Variants in NDUFA10 observed in about 807,000 individuals in gnomAD.
NDUFA10 encodes NADH dehydrogenase [ubiquinone] 1 alpha subcomplex subunit 10, mitochondrial.
Under a neutral mutation model 47.8 loss-of-function variants are expected in NDUFA10, and 40 were observed. That is an observed-to-expected ratio of 0.84 (90% CI 0.65 to 1.09). The LOEUF (loss-of-function observed/expected upper bound fraction) is 1.09. Among genes scored for constraint, NDUFA10 ranks in the 50% least tolerant of loss-of-function variants. NDUFA10 has a pLI of 0.00. For missense variants in NDUFA10, 413 were observed against 451.1 expected, an observed-to-expected ratio of 0.92 and a Z score of 0.76; for synonymous variants, 183 against 172.2, an observed-to-expected ratio of 1.06 and a Z score of -0.49.
At position 240,011,009 on chromosome 2, in the gene NDUFA10, G is replaced by A. The variant is rs146363568; in HGVS notation, c.749+608C>T. 3.4e-3 allele frequency among the ~76,000 whole-genome samples: 514 copies of A among 152,232 alleles called. 9 individuals are homozygous for A. Among genetic ancestry groups the A allele is most frequent in the African/African-American group, 0.012 (481 of 41,526 alleles). Reference sequence around the variant, plus strand: ...TATTCAAACAATCTGAGTTTAACTGGACGTGAATGAGTGTGGCAGACATTC... The same window carrying A: ...TATTCAAACAATCTGAGTTTAACTGAACGTGAATGAGTGTGGCAGACATTC... On this transcript the variant is annotated intron_variant, in intron 6 of 9. Transcript: ENST00000252711.
chr2:239,909,084 G>T (rs997494149), intron 4 of NDUFA10, among the ~76,000 whole-genome samples: 1 of 152,068 alleles, frequency 6.6e-6, no homozygotes, highest in Non-Finnish European at 1.5e-5. Flanking sequence ...CTCCTCCAGC[G>T]CCTCCCAAAG....
intron 4 of NDUFA10, among the ~76,000 whole-genome samples, chr2:239,915,662 G>A (rs1693853747): frequency 2.6e-5 from 3 of 117,028 alleles, no homozygotes; most frequent in South Asian, 2.8e-4. Context: ...ACACAGAGAT[G>A]CACACACAAA....
chr2:239,980,976 C>T (rs547105761), intron 9 of NDUFA10, among the ~76,000 whole-genome samples: 6 of 152,262 alleles, frequency 3.9e-5, no homozygotes, highest in East Asian at 1.9e-4. Flanking sequence ...CACACAGGTT[C>T]GAGGGTTGAA....
At position 239,899,439 on chromosome 2, in the gene NDUFA10, G is replaced by GGGA. The variant is rs1465286815; in HGVS notation, c.295-4126_295-4125insTCC. 2.0e-5 allele frequency among the ~76,000 whole-genome samples: 2 copies of GGGA among 102,324 alleles called. 1 individual carries two copies. The highest frequency in any genetic ancestry group is 4.7e-5 in the Non-Finnish European group (2 of 42,972). 67.1% of individuals were successfully genotyped at this position (102,324 alleles called of 152,430 possible). On this transcript the variant is annotated intron_variant, in intron 4 of 5. Coordinates refer to the NDUFA10 transcript ENST00000419408. ...TGATGGAGGGGTGTGATGGAGGAAT[G>GGGA]TGGAGGGTTGTGATGGAGGGGTGTG...
intron 8 of NDUFA10, among the ~76,000 whole-genome samples, chr2:240,003,916 G>A (rs1432002219): frequency 6.6e-6 from 1 of 152,212 alleles, no homozygotes; most frequent in Non-Finnish European, 1.5e-5. Flanking sequence ...AGAGGCAGCC[G>A]AGGGATATTT....
At chr2:240,005,419 G>A (rs1696913021) in intron 7 of NDUFA10, 124 bp from the exon 8 acceptor site, 1 of 751,038 alleles carries the variant, frequency 1.3e-6, no homozygotes, top group Non-Finnish European at 2.3e-6. Flanking sequence ...CACAATCACA[G>A]CACACTGCAG....
intron 9 of NDUFA10, among the ~76,000 whole-genome samples, chr2:239,984,846 G>C (rs74002073): frequency 6.6e-6 from 1 of 152,238 alleles, no homozygotes; most frequent in East Asian, 1.9e-4. Flanking sequence ...AAGCCCGGCA[G>C]AGCTTTCAGC....
chr2:239,943,730 G>A (rs893446924), intron 4 of NDUFA10, among the ~76,000 whole-genome samples: 1 of 152,134 alleles, frequency 6.6e-6, no homozygotes, highest in East Asian at 1.9e-4. Context: ...GCCCCTCCTG[G>A]CACAGCACTG....
rs948889161 is a variant in NDUFA10 at position 239,961,094 on chromosome 2, C to G, written c.*24G>C. 1 of 1,613,976 alleles carries G rather than the reference C, an allele frequency of 6.2e-7. No individual in the cohort carries two copies. Among genetic ancestry groups the G allele is most frequent in the Non-Finnish European group, 8.5e-7 (1 of 1,179,954 alleles). ...ATGCAGCTTGGCCATCACTGTGATG[C>G]AGCTGGAGCAGAAGGCGGCCCGTTC... On this transcript the variant is annotated 3_prime_UTR_variant, in exon 10 of 10. Coordinates refer to ENST00000252711, the MANE Select transcript of NDUFA10 (RefSeq NM_004544.4).
chr2:239,972,758 A>G (rs1183309831), intron 9 of NDUFA10, among the ~76,000 whole-genome samples: 1 of 152,214 alleles, frequency 6.6e-6, no homozygotes, highest in Non-Finnish European at 1.5e-5. Context: ...GAGTATTAAC[A>G]ATAGTTCAAA....
At chr2:240,002,740 T>C (rs1696777901) in intron 8 of NDUFA10, among the ~76,000 whole-genome samples, 1 of 152,176 alleles carries the variant, frequency 6.6e-6, no homozygotes, top group Non-Finnish European at 1.5e-5. Flanking sequence ...AAACTGATTT[T>C]GCAAATACTA....
downstream of NDUFA10, among the ~76,000 whole-genome samples, chr2:239,954,919 C>A (rs1185389470): frequency 1.3e-5 from 2 of 152,174 alleles, no homozygotes; most frequent in Non-Finnish European, 2.9e-5. Flanking sequence ...CGCTGCCCTG[C>A]GACATTCCCT....
At chr2:240,022,141 A>C (rs748654469) in intron 2 of NDUFA10, 31 bp downstream of exon 2, 2 of 1,580,222 alleles carry the variant, frequency 1.3e-6, no homozygotes, top group African/African-American at 2.7e-5. Flanking sequence ...TCTGAGAAAA[A>C]GGTATCATTC....
At chr2:240,003,449 T>C (rs1364295768) in intron 8 of NDUFA10, among the ~76,000 whole-genome samples, 1 of 152,168 alleles carries the variant, frequency 6.6e-6, no homozygotes, top group African/African-American at 2.4e-5. Context: ...GTTGGTGCAG[T>C]CTGCACAGAG....
chr2:239,990,363 C>T (rs1696195387), intron 8 of NDUFA10, among the ~76,000 whole-genome samples, 181 bp from the exon 9 acceptor site: 1 of 152,224 alleles, frequency 6.6e-6, no homozygotes, highest in African/African-American at 2.4e-5. Flanking sequence ...CATGGTCGAT[C>T]TGGAGCTGCT....
chr2:239,949,461 G>A (rs1694514550), intron 4 of NDUFA10, among the ~76,000 whole-genome samples: 1 of 152,204 alleles, frequency 6.6e-6, no homozygotes, highest in Admixed American at 6.5e-5. Context: ...TGGGGGTCTG[G>A]AAAGAACAGA....
intron 6 of NDUFA10, among the ~76,000 whole-genome samples, chr2:240,009,355 A>G (rs1468673952): frequency 6.6e-6 from 1 of 152,204 alleles, no homozygotes; most frequent in Non-Finnish European, 1.5e-5. Flanking sequence ...AGCTGAGTAA[A>G]TAAGTATATG....
rs116638164 is a variant in NDUFA10 at position 240,009,257 on chromosome 2, C to T, written c.750-1887G>A. ...CTTGTCTCTGAAATCTCAGAGGTGA[C>T]GATTCTTTCTCAGAAAGGCCTTCCC... On this transcript the variant is annotated intron_variant, in intron 6 of 9. Coordinates refer to ENST00000252711, the MANE Select transcript of NDUFA10 (RefSeq NM_004544.4). Among the ~76,000 whole-genome samples, 577 of 152,262 alleles carry T rather than the reference C, an allele frequency of 3.8e-3. 4 individuals carry two copies. The highest frequency in any genetic ancestry group is 0.013 in the African/African-American group (553 of 41,538).
chr2:239,933,621 A>G (rs1235226079), intron 4 of NDUFA10, among the ~76,000 whole-genome samples: 3 of 151,702 alleles, frequency 2.0e-5, no homozygotes, highest in Non-Finnish European at 2.9e-5. Context: ...CTACACTTGC[A>G]GGAAGTCCCT....
Sources: allele counts gnomAD v4.1 joint callset (sites outside exome capture counted in the v4.1 genomes callset), GRCh38; gene constraint gnomAD v4.1.1; transcripts MANE v1.5; gene names NCBI Gene and HGNC (gene_info 2026-07-23, HGNC 2026-07-21).